NLRP1: variants seen among roughly 807,000 people sequenced by gnomAD.
NLRP1 encodes NLR family pyrin domain containing 1.
Under a neutral mutation model 136.7 loss-of-function variants are expected in NLRP1, and 94 were observed. The observed-to-expected ratio is 0.69, with a 90% CI of 0.58 to 0.82. The LOEUF (loss-of-function observed/expected upper bound fraction) is 0.82, where lower values mean the gene tolerates loss of function less well. Among genes scored for constraint, NLRP1 ranks in the 40% least tolerant of loss-of-function variants. The pLI is 0.00. For synonymous variants in NLRP1, 690 were observed against 725.1 expected, an observed-to-expected ratio of 0.95 and a Z score of 0.78; for missense variants, 1,575 against 1,802.7, an observed-to-expected ratio of 0.87 and a Z score of 2.29.
rs148944717 is a variant in NLRP1 at position 5,538,014 on chromosome 17, CTATT to C, written c.2871-1078_2871-1075del. On this transcript the variant is annotated intron_variant, in intron 7 of 16. Coordinates refer to ENST00000572272, the MANE Select transcript of NLRP1 (RefSeq NM_033004.4). ...AGCTACAGGAGAACCCAAATGTAGA[CTATT>C]TATTTCTGTTATTCTGCCTTGACCA... Among the ~76,000 whole-genome samples the C allele has an allele frequency of 4.2e-3, 639 of 152,322 alleles. 11 individuals are homozygous for C. The East Asian group carries it at 0.06, about 14-fold the overall frequency.
Position 5,514,492 on chromosome 17 carries a change from G to T in NLRP1, c.*262C>A. 1 of 1,338,792 alleles carries T rather than the reference G, an allele frequency of 7.5e-7. No individual in the cohort carries two copies. The highest frequency in any genetic ancestry group is 9.6e-7 in the Non-Finnish European group (1 of 1,039,932). 82.9% of individuals were successfully genotyped at this position (1,338,792 alleles called of 1,614,324 possible). On this transcript the variant is annotated 3_prime_UTR_variant, in exon 17 of 17. Coordinates refer to ENST00000572272, the MANE Select transcript of NLRP1 (RefSeq NM_033004.4). Reference sequence around the variant, plus strand: ...CTAGGCTTGGCTGCTGTGGCCACCAGATGAGGCTCTATGAGGTCTGCAGGG... The same window carrying T: ...CTAGGCTTGGCTGCTGTGGCCACCATATGAGGCTCTATGAGGTCTGCAGGG...
intron 3 of NLRP1, among the ~76,000 whole-genome samples, chr17:5,566,790 G>A (rs1915385980): frequency 1.3e-5 from 2 of 151,998 alleles, no homozygotes; most frequent in Non-Finnish European, 2.9e-5. Flanking sequence ...TTGTATTGAG[G>A]CCTATCTCTC....
At chr17:5,517,975 T>A (rs937466788) in intron 14 of NLRP1, 88 bp from the exon 15 acceptor site, 1 of 1,300,818 alleles carries the variant, frequency 7.7e-7, no homozygotes, top group African/African-American at 1.5e-5. Context: ...CCTGCTTGGC[T>A]CCATAAGGAC....
intron 5 of NLRP1, 59 bp from the exon 6 acceptor site, chr17:5,542,086 C>A: frequency 6.6e-7 from 1 of 1,511,422 alleles, no homozygotes; most frequent in East Asian, 2.4e-5. Flanking sequence ...CAACAGACAC[C>A]CATAAGCAAC....
rs1314083576 is a variant in NLRP1, at chr17:5,504,328, G to A, written c.4070-2456C>T. The A allele has an allele frequency of 2.0e-5, 3 of 152,312 alleles. No individual in the cohort carries two copies. Among genetic ancestry groups the A allele is most frequent in the African/African-American group, 7.2e-5 (3 of 41,450 alleles). The allele number at this position is 152,312 out of a possible 1,614,324, so 9.4% of individuals were successfully genotyped here. On this transcript the variant is annotated intron_variant, in intron 15 of 15. Coordinates refer to the NLRP1 transcript ENST00000262467. This position sits in a 1 kb window ranked among gnomAD's most constrained non-coding sequence, Gnocchi z 4.4. Reference sequence around the variant, plus strand: ...GAATCTAAAATCTGCCACTAATACTGACTGCTGGGGGCCGGGTGTGGTGGC... The same window carrying A: ...GAATCTAAAATCTGCCACTAATACTAACTGCTGGGGGCCGGGTGTGGTGGC...
downstream of NLRP1, chr17:5,512,511 T>C (rs552582036): frequency 1.6e-6 from 1 of 638,516 alleles, no homozygotes; most frequent in Admixed American, 2.5e-5. Flanking sequence ...TAAATCTTCT[T>C]ACTTCCCATT....
rs1911839484 is a variant in NLRP1 at position 5,541,316 on chromosome 17, G to C, written c.2699+541C>G. 6.6e-6 allele frequency among the ~76,000 whole-genome samples: 1 copy of C among 152,192 alleles called. No homozygotes were observed. Among genetic ancestry groups the C allele is most frequent in the Admixed American group, 6.5e-5 (1 of 15,284 alleles). ...CTGCCTCGACCTCCCAAAGTGCTGG[G>C]ATGACAGGCATGAGCCAGGGCGCCT... On this transcript the variant is annotated intron_variant, in intron 6 of 16. Coordinates refer to ENST00000572272, the MANE Select transcript of NLRP1 (RefSeq NM_033004.4). This position sits in a 1 kb window ranked among gnomAD's most constrained non-coding sequence, Gnocchi z 4.2.
chr17:5,583,602 G>T lies in NLRP1; in HGVS notation c.271+85C>A. ...CTCAGAGGAAGGCCTGGCAGGGAGG[G>T]CTCAGTGGTGGGGTCCCAAGAGGGC... On this transcript the variant is annotated intron_variant, in intron 1 of 16. Transcript: ENST00000572272. The surrounding 1 kb of genome is among the most constrained non-coding windows in gnomAD (Gnocchi z 4.5). 1 of 1,359,514 alleles carries T rather than the reference G, an allele frequency of 7.4e-7. No individual in the cohort carries two copies. Among genetic ancestry groups the T allele is most frequent in the South Asian group, 1.4e-5 (1 of 70,620 alleles). 84.2% of individuals were successfully genotyped at this position (1,359,514 alleles called of 1,614,324 possible).
At chr17:5,551,087 G>A (rs1913296696) in intron 5 of NLRP1, among the ~76,000 whole-genome samples, 1 of 152,060 alleles carries the variant, frequency 6.6e-6, no homozygotes, top group African/African-American at 2.4e-5. Context: ...ACTCTTGGTG[G>A]TGTACATTCT....
chr17:5,583,849 A>T lies in NLRP1; in HGVS notation c.109T>A (p.Ser37Thr). 2 of 1,573,210 alleles carry T rather than the reference A, an allele frequency of 1.3e-6. No individual in the cohort carries two copies. Among genetic ancestry groups the T allele is most frequent in the Non-Finnish European group, 1.7e-6 (2 of 1,157,318 alleles). ...GGCTGAGCGGGTGTCTCACCCGAAG[A>T]GCTCCTGGAGTGCGCTTTATTGGCG... ...LLANKAHSRS[S>T]SGETPAQPEK... is the part of the protein sequence containing the mutation. The change falls in exon 1 of 17, where the codon TCT becomes ACT. Residue 37 changes from serine (S) to threonine (T), a missense_variant. Ser to Thr is a moderately conservative substitution (Grantham distance 58). Transcript: ENST00000572272. This position sits in a 1 kb window ranked among gnomAD's most constrained non-coding sequence, Gnocchi z 4.5.
chr17:5,557,336 A>G (rs1432253510), intron 4 of NLRP1, among the ~76,000 whole-genome samples: 1 of 151,906 alleles, frequency 6.6e-6, no homozygotes, highest in Non-Finnish European at 1.5e-5. Flanking sequence ...TATAATGAAC[A>G]TGAATTTTAT....
intron 3 of NLRP1, among the ~76,000 whole-genome samples, chr17:5,571,420 C>G (rs938037960): frequency 2.6e-5 from 4 of 152,164 alleles, no homozygotes; most frequent in African/African-American, 7.2e-5. Context: ...TTTCAGGATA[C>G]AAAATCAATT....
chr17:5,584,445 C>G lies in NLRP1; in HGVS notation c.-488G>C, dbSNP rs1195710081. 6.1e-6 allele frequency: 1 copy of G among 163,426 alleles called. No homozygotes were observed. Among genetic ancestry groups the G allele is most frequent in the Non-Finnish European group, 1.3e-5 (1 of 74,420 alleles). The allele number at this position is 163,426 out of a possible 1,614,324, so 10.1% of individuals were successfully genotyped here. ...AGAGTGGAGCCCCGGGCTGCTGGCT[C>G]CCAGGTTTCTTCAGACCTCTCCAGG... On this transcript the variant is annotated 5_prime_UTR_variant, in exon 1 of 17. Coordinates refer to ENST00000572272, the MANE Select transcript of NLRP1 (RefSeq NM_033004.4).
intron 12 of NLRP1, among the ~76,000 whole-genome samples, chr17:5,525,318 G>C (rs1205940186): frequency 2.6e-5 from 4 of 152,236 alleles, no homozygotes; most frequent in African/African-American, 9.7e-5. Context: ...GGGGAATACA[G>C]ACAGCAAATA....
chr17:5,548,965 T>C (rs930419581), intron 5 of NLRP1, among the ~76,000 whole-genome samples: 7 of 152,214 alleles, frequency 4.6e-5, no homozygotes, highest in African/African-American at 1.7e-4. Context: ...TAGAATCAGC[T>C]TGTCCATTTC....
At position 5,584,111 on chromosome 17, in the gene NLRP1, T is replaced by C. The variant is rs1433455409; in HGVS notation, c.-154A>G. 1.4e-6 allele frequency: 1 copy of C among 699,722 alleles called. No individual in the cohort carries two copies. Among genetic ancestry groups the C allele is most frequent in the Non-Finnish European group, 2.3e-6 (1 of 428,288 alleles). The allele number at this position is 699,722 out of a possible 1,614,324, so 43.3% of individuals were successfully genotyped here. A position where few individuals can be genotyped will look rare whatever the true frequency, so the allele number is the denominator to read the frequency against. ...TTATAAATCCCAGGGCACCTACAGA[T>C]AGACGCCGATAGAGGGGGAGTGGTA... On this transcript the variant is annotated 5_prime_UTR_variant, in exon 1 of 17. Transcript: ENST00000572272.
intron 3 of NLRP1, among the ~76,000 whole-genome samples, chr17:5,579,556 A>G (rs529646935): frequency 6.6e-6 from 1 of 152,338 alleles, no homozygotes; most frequent in Admixed American, 6.5e-5. Flanking sequence ...ACTCTGAACT[A>G]TCATTCAATC....
intron 3 of NLRP1, among the ~76,000 whole-genome samples, chr17:5,576,193 C>T (rs184882526): frequency 6.6e-6 from 1 of 152,124 alleles, no homozygotes; most frequent in African/African-American, 2.4e-5. Context: ...AAAATTGACA[C>T]CCTAACATCA....
chr17:5,547,488 T>A (rs549604980), intron 5 of NLRP1, among the ~76,000 whole-genome samples: 1 of 152,294 alleles, frequency 6.6e-6, no homozygotes, highest in South Asian at 2.1e-4. Flanking sequence ...GCCCATTTCT[T>A]TATATATGGA....
Sources: gnomAD v4.1 joint callset for allele counts (sites outside exome capture counted in the v4.1 genomes callset) on GRCh38, gnomAD v4.1.1 for gene constraint, Gnocchi (gnomAD v3.1) non-coding constraint, MANE v1.5 for transcripts, NCBI Gene and HGNC (gene_info 2026-07-23, HGNC 2026-07-21) for gene names.